CCNYL1: variants seen among roughly 807,000 people sequenced by gnomAD.
The protein encoded by CCNYL1 is cyclin-Y-like protein 1.
A neutral mutation model predicts 44.2 loss-of-function variants in CCNYL1; 16 were observed. The observed-to-expected ratio is 0.36, with a 90% confidence interval of 0.25 to 0.55. The LOEUF is 0.55. Among genes scored for constraint, CCNYL1 ranks in the 20% least tolerant of loss-of-function variants. The pLI is 0.85. For missense variants in CCNYL1, 348 were observed against 451.8 expected (o/e 0.77, Z 2.08); for synonymous variants, 159 against 163.2 (o/e 0.97, Z 0.20).
rs1280552624 is a variant in CCNYL1 at position 207,742,256 on chromosome 2, G to A, written c.553G>A (p.Asp185Asn). Reference sequence around the variant, plus strand: ...AGTTCCAGAGGAATACTTTAAGCATGATCCTGAGCACAAATTTATTTACAG... The same window carrying A: ...AGTTCCAGAGGAATACTTTAAGCATAATCCTGAGCACAAATTTATTTACAG... Reference protein sequence around the residue: ...EKVPEEYFKHDPEHKFIYRFV... With the variant: ...EKVPEEYFKHNPEHKFIYRFV... Residue 185 changes from aspartate to asparagine, a missense_variant, in exon 7 of 10, where the codon GAT (aspartate) becomes AAT (asparagine). Transcript: ENST00000295414. The A allele has an allele frequency of 1.4e-5, 23 of 1,611,778 alleles. No individual in the cohort carries two copies. Among genetic ancestry groups the A allele is most frequent in the Non-Finnish European group, 1.9e-5 (22 of 1,179,532 alleles).
intron 3 of CCNYL1, among the ~76,000 whole-genome samples, chr2:207,733,129 G>C (rs757000985): frequency 1.3e-5 from 2 of 152,118 alleles, no homozygotes; most frequent in Admixed American, 1.3e-4. Flanking sequence ...AGGCAGATGG[G>C]GTCAGGCTTA....
intron 8 of CCNYL1, among the ~76,000 whole-genome samples, chr2:207,747,668 C>T (rs889804618): frequency 1.3e-5 from 2 of 152,202 alleles, no homozygotes; most frequent in Non-Finnish European, 2.9e-5. Context: ...CCTGCCTCAG[C>T]TTCCTGAGTA....
intron 8 of CCNYL1, among the ~76,000 whole-genome samples, chr2:207,749,369 AT>A (rs1375269975): frequency 1.3e-5 from 2 of 152,192 alleles, no homozygotes; most frequent in African/African-American, 4.8e-5. Flanking sequence ...TTTCTTAAAA[AT>A]TTTCAACAGC....
chr2:207,734,452 G>C (rs1024092092), intron 4 of CCNYL1, among the ~76,000 whole-genome samples: 1 of 152,248 alleles, frequency 6.6e-6, no homozygotes, highest in African/African-American at 2.4e-5. Flanking sequence ...GGAACAGCTT[G>C]TCCTCTACTG....
Position 207,715,379 on chromosome 2 carries a change from C to CTTTTTTTTT in CCNYL1, c.220+3277_220+3285dup, listed in dbSNP as rs770646092. Among the ~76,000 whole-genome samples the CTTTTTTTTT allele has an allele frequency of 1.7e-3, 170 of 100,722 alleles. 2 individuals are homozygous for CTTTTTTTTT. Among genetic ancestry groups the CTTTTTTTTT allele is most frequent in the East Asian group, 5.5e-3 (16 of 2,916 alleles). The allele number at this position is 100,722 out of a possible 152,430, so 66.1% of individuals were successfully genotyped here. On this transcript the variant is annotated intron_variant, in intron 1 of 9. Transcript: ENST00000295414. ...CTCGGCTTTGTTCTTCAAGCTATTT[C>CTTTTTTTTT]TTTTTTTTTTTTTTTTTTTTTTGAC... is the stretch of plus-strand genomic sequence containing the variant.
chr2:207,727,260 C>T (rs1329437950), intron 3 of CCNYL1, among the ~76,000 whole-genome samples: 3 of 152,084 alleles, frequency 2.0e-5, no homozygotes, highest in East Asian at 1.9e-4. Context: ...CTCACTCCAC[C>T]GTGACCTTAT....
chr2:207,732,832 G>T (rs1484981831), intron 3 of CCNYL1, among the ~76,000 whole-genome samples: 1 of 152,158 alleles, frequency 6.6e-6, no homozygotes, highest in African/African-American at 2.4e-5. Context: ...TGATACAAAT[G>T]CAGATAAATT....
intron 1 of CCNYL1, among the ~76,000 whole-genome samples, chr2:207,723,515 G>A (rs1378308579): frequency 3.3e-5 from 5 of 152,002 alleles, no homozygotes; most frequent in East Asian, 1.9e-4. Flanking sequence ...GGGAAATATC[G>A]CCTTAACTGT....
Position 207,753,570 on chromosome 2 carries a change from T to TTTGA in CCNYL1, c.970-13_970-10dup. 1 of 1,540,400 alleles carries TTTGA rather than the reference T, an allele frequency of 6.5e-7. No homozygotes were observed. Among genetic ancestry groups the TTTGA allele is most frequent in the South Asian group, 1.1e-5 (1 of 87,904 alleles). ...TTTTTAAAATTGTACCTGTTTTCTA[T>TTTGA]TTGATTGACTTTCCTAGGCTATTTC... On this transcript the variant is annotated splice_polypyrimidine_tract_variant and intron_variant, in intron 9 of 9. Coordinates refer to ENST00000295414, the MANE Select transcript of CCNYL1 (RefSeq NM_001330218.2).
rs1488623599 is a variant in CCNYL1, at chr2:207,756,040, A to C, written c.*2342A>C. 6.6e-6 allele frequency: 1 copy of C among 152,182 alleles called. No homozygotes were observed. The highest frequency in any genetic ancestry group is 1.5e-5 in the Non-Finnish European group (1 of 68,028). The allele number at this position is 152,182 out of a possible 1,614,324, so 9.4% of individuals were successfully genotyped here. ...ACAATCTACCACCTCAAAAAAACAA[A>C]TATTGTTTATGGAATTCAGAGTTTG... On this transcript the variant is annotated 3_prime_UTR_variant, in exon 10 of 10. Transcript: ENST00000295414.
chr2:207,746,929 C>T (rs1314399566), intron 7 of CCNYL1, 118 bp from the exon 8 acceptor site: 12 of 744,510 alleles, frequency 1.6e-5, no homozygotes, highest in Non-Finnish European at 2.4e-5. Flanking sequence ...GAGCCGAGAT[C>T]GCACCATTGC....
chr2:207,752,268 A>C (rs2091898974), intron 9 of CCNYL1, among the ~76,000 whole-genome samples: 1 of 152,154 alleles, frequency 6.6e-6, no homozygotes, highest in African/African-American at 2.4e-5. Flanking sequence ...AGTGGTAGGC[A>C]TGGTGGCTCA....
At chr2:207,731,528 ATTTATAT>A (rs1330086921) in intron 3 of CCNYL1, among the ~76,000 whole-genome samples, 2 of 151,952 alleles carry the variant, frequency 1.3e-5, no homozygotes, top group African/African-American at 4.8e-5. Flanking sequence ...TTTTTTAAGT[ATTTATAT>A]TTTATATTAT....
Position 207,753,918 on chromosome 2 carries a change from A to T in CCNYL1, c.*220A>T. The T allele has an allele frequency of 4.8e-6, 2 of 420,990 alleles. No homozygotes were observed. Among genetic ancestry groups the T allele is most frequent in the Non-Finnish European group, 4.2e-6 (1 of 235,364 alleles). 26.1% of individuals were successfully genotyped at this position (420,990 alleles called of 1,614,324 possible). A position where few individuals can be genotyped will look rare whatever the true frequency, so the allele number is the denominator to read the frequency against. On this transcript the variant is annotated 3_prime_UTR_variant, in exon 10 of 10. Transcript: ENST00000295414. ...CTTCTGTCCTTTTTAATGTAAACAG[A>T]GTTACAAAAACCACTCCAAAGTGAA...
intron 1 of CCNYL1, among the ~76,000 whole-genome samples, chr2:207,716,715 C>T (rs17639890): frequency 0.13 from 19,645 of 152,066 alleles, 2,219 homozygotes; most frequent in East Asian, 0.39. Context: ...TCAAGGGTAC[C>T]GATAAAAACA....
intron 1 of CCNYL1, chr2:207,714,460 C>T (rs1209826423): frequency 5.5e-6 from 2 of 366,598 alleles, no homozygotes; most frequent in Non-Finnish European, 1.0e-5. Flanking sequence ...TCTTGCCTGG[C>T]TCCATCTTAT....
At chr2:207,715,143 C>G (rs2091583601) in intron 1 of CCNYL1, among the ~76,000 whole-genome samples, 2 of 152,020 alleles carry the variant, frequency 1.3e-5, no homozygotes, top group South Asian at 4.2e-4. Context: ...TGGCGGGCAT[C>G]TGTAATCCCA....
intron 3 of CCNYL1, among the ~76,000 whole-genome samples, chr2:207,728,865 C>A (rs1314791194): frequency 6.6e-6 from 1 of 151,984 alleles, no homozygotes; most frequent in Non-Finnish European, 1.5e-5. Context: ...GGCGTGATCT[C>A]AGCTCACTGC....
chr2:207,716,295 A>G (rs1030199784), intron 1 of CCNYL1, among the ~76,000 whole-genome samples: 13 of 150,750 alleles, frequency 8.6e-5, no homozygotes, highest in African/African-American at 2.9e-4. Context: ...AAAACCTCTG[A>G]GCAACAGATC....
Sources: gnomAD v4.1 joint callset for allele counts (sites outside exome capture counted in the v4.1 genomes callset) on GRCh38, gnomAD v4.1.1 for gene constraint, MANE v1.5 for transcripts, NCBI Gene and HGNC (gene_info 2026-07-23, HGNC 2026-07-21) for gene names.